The following CSMD1 variants were observed in gnomAD, a reference collection of about 807,000 sequenced individuals.
CSMD1 encodes the protein CUB and sushi domain-containing protein 1.
A neutral mutation model predicts 417.5 loss-of-function variants in CSMD1; 213 were observed. The observed-to-expected ratio is 0.51, with a 90% confidence interval of 0.46 to 0.57. The LOEUF is 0.57. Ranked by LOEUF, CSMD1 falls within the 20% of genes least tolerant of loss-of-function variation. The pLI is 0.00. For synonymous variants in CSMD1, 2,862 were observed against 1,736.8 expected, an observed-to-expected ratio of 1.65 and a Z score of -16.11; for missense variants, 6,923 against 4,529.7, an observed-to-expected ratio of 1.53 and a Z score of -15.17.
At chr8:3,406,868 G>A (rs1188278549) in intron 14 of CSMD1, among the ~76,000 whole-genome samples, 2 of 152,194 alleles carry the variant, frequency 1.3e-5, no homozygotes, top group Non-Finnish European at 2.9e-5. Flanking sequence ...AAGAGAATGA[G>A]CTGTCATTAA....
intron 3 of CSMD1, among the ~76,000 whole-genome samples, chr8:4,352,501 T>C (rs1450637389): frequency 6.6e-6 from 1 of 152,206 alleles, no homozygotes; most frequent in African/African-American, 2.4e-5. Flanking sequence ...TGAATCAAGT[T>C]TGAAGAAACA....
chr8:4,619,465 G>A (rs1428605788), intron 2 of CSMD1, among the ~76,000 whole-genome samples: 3 of 152,164 alleles, frequency 2.0e-5, no homozygotes, highest in South Asian at 2.1e-4. Flanking sequence ...TGTAGTAGAA[G>A]TAGCAAGAAG....
chr8:3,810,839 G>A (rs887295427), intron 5 of CSMD1, among the ~76,000 whole-genome samples: 1 of 152,070 alleles, frequency 6.6e-6, no homozygotes, highest in Non-Finnish European at 1.5e-5. Flanking sequence ...TCAAAGATGG[G>A]GCCATTGATC....
intron 2 of CSMD1, among the ~76,000 whole-genome samples, chr8:4,473,091 T>C (rs892906393): frequency 6.6e-6 from 1 of 152,286 alleles, no homozygotes; most frequent in African/African-American, 2.4e-5. Flanking sequence ...TTATGTAACA[T>C]TTTCTCTACT....
intron 5 of CSMD1, among the ~76,000 whole-genome samples, chr8:3,970,430 C>T (rs1813001202): frequency 6.6e-6 from 1 of 152,034 alleles, no homozygotes; most frequent in African/African-American, 2.4e-5. Context: ...ATTTTATTAC[C>T]CCAGGACATG....
At chr8:4,290,436 C>T (rs1360102682) in intron 3 of CSMD1, among the ~76,000 whole-genome samples, 1 of 152,158 alleles carries the variant, frequency 6.6e-6, no homozygotes, top group Non-Finnish European at 1.5e-5. Context: ...ATTTGAACTT[C>T]CATGCTGTTC....
intron 5 of CSMD1, among the ~76,000 whole-genome samples, chr8:3,895,353 T>G (rs1807289172): frequency 6.6e-6 from 1 of 152,320 alleles, no homozygotes; most frequent in South Asian, 2.1e-4. Flanking sequence ...TGAGACAATT[T>G]ATAACACAAG....
chr8:4,145,175 A>G (rs1049779278), intron 3 of CSMD1, among the ~76,000 whole-genome samples: 4 of 151,140 alleles, frequency 2.6e-5, no homozygotes, highest in Non-Finnish European at 5.9e-5. Context: ...CATTCATTCA[A>G]TTACTAAAAC....
chr8:4,310,872 T>A (rs1409674296), intron 3 of CSMD1, among the ~76,000 whole-genome samples: 1 of 152,138 alleles, frequency 6.6e-6, no homozygotes, highest in East Asian at 1.9e-4. Context: ...AAAAGAAAAC[T>A]TACATGTGGC....
chr8:4,901,715 C>A (rs992316633), intron 1 of CSMD1, among the ~76,000 whole-genome samples: 1 of 152,062 alleles, frequency 6.6e-6, no homozygotes, highest in Non-Finnish European at 1.5e-5. Context: ...TAGCATAGAG[C>A]ATAGAGGATG....
chr8:3,611,720 T>A (rs1035705606), intron 8 of CSMD1, among the ~76,000 whole-genome samples: 1 of 152,144 alleles, frequency 6.6e-6, no homozygotes, highest in Non-Finnish European at 1.5e-5. Flanking sequence ...TATCAACAAA[T>A]GTATTTTTGT....
At chr8:3,702,018 A>G (rs1043259850) in intron 7 of CSMD1, 2 of 152,170 alleles carry the variant, frequency 1.3e-5, no homozygotes, top group Non-Finnish European at 1.5e-5. Context: ...TGATTGCCCA[A>G]TACAAACAAA....
intron 10 of CSMD1, among the ~76,000 whole-genome samples, chr8:3,558,751 G>A (rs1401918903): frequency 6.6e-6 from 1 of 151,178 alleles, no homozygotes; most frequent in Non-Finnish European, 1.5e-5. Context: ...CTCCAATGAT[G>A]AATAGTGCCT....
chr8:4,042,252 C>A (rs368966150), intron 3 of CSMD1, among the ~76,000 whole-genome samples: 1 of 152,094 alleles, frequency 6.6e-6, no homozygotes, highest in Non-Finnish European at 1.5e-5. Context: ...TGCCTAAATA[C>A]AGCAATGAAG....
At chr8:3,870,724 C>G (rs1013885943) in intron 5 of CSMD1, among the ~76,000 whole-genome samples, 1 of 152,118 alleles carries the variant, frequency 6.6e-6, no homozygotes, top group African/African-American at 2.4e-5. Flanking sequence ...ATATTCTCCT[C>G]TGTTAATGTC....
intron 11 of CSMD1, among the ~76,000 whole-genome samples, chr8:3,489,011 A>C (rs1182484594): frequency 6.6e-6 from 1 of 152,194 alleles, no homozygotes; most frequent in East Asian, 1.9e-4. Context: ...AAGGCACTAC[A>C]TGTTTAGTGA....
intron 18 of CSMD1, among the ~76,000 whole-genome samples, chr8:3,376,981 A>T (rs980043086): frequency 2.0e-5 from 3 of 152,134 alleles, no homozygotes; most frequent in African/African-American, 7.2e-5. Flanking sequence ...ATCAAACTCT[A>T]ACATCACCCA....
intron 10 of CSMD1, among the ~76,000 whole-genome samples, chr8:3,543,238 A>ATGTG (rs1798518686): frequency 6.6e-6 from 1 of 152,206 alleles, no homozygotes; most frequent in African/African-American, 2.4e-5. Context: ...GAAGCCCAGG[A>ATGTG]TGTGACGTAG....
chr8:4,418,025 C>T (rs977230593), intron 3 of CSMD1, among the ~76,000 whole-genome samples: 1 of 151,972 alleles, frequency 6.6e-6, no homozygotes, highest in Non-Finnish European at 1.5e-5. Flanking sequence ...AACGCACACT[C>T]ATTTTTGCAG....
Sources: allele counts gnomAD v4.1 joint callset (sites outside exome capture counted in the v4.1 genomes callset), GRCh38; gene constraint gnomAD v4.1.1; transcripts MANE v1.5; gene names NCBI Gene and HGNC (gene_info 2026-07-23, HGNC 2026-07-21).